The following FILIP1L variants were observed in gnomAD, a reference collection of about 807,000 sequenced individuals.
FILIP1L encodes the protein filamin A interacting protein 1 like.
A neutral mutation model predicts 96.6 loss-of-function variants in FILIP1L; 55 were observed. The ratio of observed to expected loss-of-function variants is 0.57; its 90% CI spans 0.46 to 0.71. FILIP1L has a LOEUF of 0.71. Among genes scored for constraint, FILIP1L ranks in the 30% least tolerant of loss-of-function variants. FILIP1L has a pLI of 0.00. For synonymous variants in FILIP1L, 467 were observed against 473.9 expected (o/e 0.99, Z 0.19); for missense variants, 1,304 against 1,321.2 (o/e 0.99, Z 0.20).
chr3:99,836,842 G>A (rs963828856), intron 5 of FILIP1L, among the ~76,000 whole-genome samples: 4 of 152,192 alleles, frequency 2.6e-5, no homozygotes, highest in Non-Finnish European at 4.4e-5. Context: ...CAGCCATTGT[G>A]TCTGAACCAA....
At chr3:100,082,368 T>C (rs2065945701) in intron 1 of FILIP1L, among the ~76,000 whole-genome samples, 2 of 152,364 alleles carry the variant, frequency 1.3e-5, no homozygotes, top group South Asian at 2.1e-4. Context: ...AACTCCTCTG[T>C]ACTGCTGGGG....
At chr3:99,842,325 A>G (rs1943169037) in intron 5 of FILIP1L, among the ~76,000 whole-genome samples, 1 of 152,124 alleles carries the variant, frequency 6.6e-6, no homozygotes, top group Non-Finnish European at 1.5e-5. Flanking sequence ...CACTCTGGGG[A>G]CTCAGGGGAA....
chr3:99,897,369 C>CAA (rs200872436), intron 4 of FILIP1L, among the ~76,000 whole-genome samples: 2 of 134,288 alleles, frequency 1.5e-5, no homozygotes, highest in Non-Finnish European at 3.2e-5. Context: ...GACTTTGTCT[C>CAA]AAAAAAAAAA....
chr3:99,943,547 T>A (rs1217593382), intron 1 of FILIP1L, among the ~76,000 whole-genome samples: 3 of 151,876 alleles, frequency 2.0e-5, no homozygotes, highest in African/African-American at 7.3e-5. Flanking sequence ...CTACTAAAAT[T>A]ACAAAAATTA....
intron 1 of FILIP1L, chr3:100,040,024 A>G (rs2065177760): frequency 6.6e-6 from 1 of 152,210 alleles, no homozygotes; most frequent in African/African-American, 2.4e-5. Context: ...AAATGCTGGG[A>G]TTACAGGCAT....
intron 4 of FILIP1L, among the ~76,000 whole-genome samples, chr3:99,890,504 T>C (rs1706050406): frequency 6.6e-6 from 1 of 152,016 alleles, no homozygotes; most frequent in African/African-American, 2.4e-5. Context: ...CATGTTAGAC[T>C]TTCTTTATCT....
chr3:99,915,718 A>G (rs1181868808), intron 4 of FILIP1L, among the ~76,000 whole-genome samples: 1 of 152,086 alleles, frequency 6.6e-6, no homozygotes, highest in Non-Finnish European at 1.5e-5. Context: ...ATTCTCCTAC[A>G]CTAAAGGAAA....
intron 1 of FILIP1L, among the ~76,000 whole-genome samples, chr3:100,105,876 A>G (rs967563762): frequency 6.6e-6 from 1 of 152,144 alleles, no homozygotes; most frequent in Admixed American, 6.6e-5. Context: ...TTCTCTGTTT[A>G]TCAAACAAAA....
intron 1 of FILIP1L, among the ~76,000 whole-genome samples, chr3:100,106,807 G>A (rs1028202439): frequency 2.6e-5 from 4 of 152,174 alleles, no homozygotes; most frequent in Non-Finnish European, 4.4e-5. Context: ...CCTGATCCCT[G>A]TAGTATGTTT....
At chr3:99,852,088 G>A (rs1217445340) in intron 4 of FILIP1L, among the ~76,000 whole-genome samples, 1 of 152,122 alleles carries the variant, frequency 6.6e-6, no homozygotes. Flanking sequence ...TAACAGGAGG[G>A]TATTTTACAT....
intron 1 of FILIP1L, among the ~76,000 whole-genome samples, chr3:99,945,813 T>A (rs557898653): frequency 2.6e-5 from 4 of 152,292 alleles, no homozygotes; most frequent in Admixed American, 2.0e-4. Flanking sequence ...CCAATTTTTT[T>A]AAAAAGAGAA....
intron 1 of FILIP1L, among the ~76,000 whole-genome samples, chr3:100,013,247 T>TTGTTGC (rs1333458419): frequency 6.6e-6 from 1 of 151,432 alleles, no homozygotes; most frequent in East Asian, 1.9e-4. Flanking sequence ...GTTGTTGTTG[T>TTGTTGC]TGTTGTTGTT....
intron 1 of FILIP1L, among the ~76,000 whole-genome samples, chr3:99,943,218 C>G (rs1368208787): frequency 6.6e-6 from 1 of 152,056 alleles, no homozygotes; most frequent in Non-Finnish European, 1.5e-5. Flanking sequence ...TCAAAAGAAC[C>G]AATTATGACA....
Position 99,951,497 on chromosome 3 carries a change from C to A in FILIP1L, c.-10-20467G>T, listed in dbSNP as rs564491304. On this transcript the variant is annotated intron_variant, in intron 1 of 5. Coordinates refer to ENST00000477258, the MANE Select transcript of FILIP1L (RefSeq NM_001387850.1). ...TGATGAGATTTTGTTTTAGTCCAGT[C>A]TCCCTGGTAAAAATCGCTTGGACTT... 2.0e-5 allele frequency among the ~76,000 whole-genome samples: 3 copies of A among 152,260 alleles called. No individual in the cohort carries two copies. In the East Asian group the frequency reaches 5.8e-4, roughly 29 times the overall value.
intron 1 of FILIP1L, among the ~76,000 whole-genome samples, chr3:100,060,089 A>G (rs1465228909): frequency 6.6e-6 from 1 of 152,126 alleles, no homozygotes; most frequent in Non-Finnish European, 1.5e-5. Flanking sequence ...ATGTGCCCTC[A>G]GCTGTGCCGG....
At chr3:100,003,413 T>C (rs1274250969) in intron 1 of FILIP1L, among the ~76,000 whole-genome samples, 1 of 152,224 alleles carries the variant, frequency 6.6e-6, no homozygotes, top group Non-Finnish European at 1.5e-5. Flanking sequence ...GTTTAACCAA[T>C]GCACCTAGAA....
intron 1 of FILIP1L, among the ~76,000 whole-genome samples, chr3:100,097,969 A>G (rs1487313384): frequency 1.3e-5 from 2 of 152,214 alleles, no homozygotes; most frequent in Non-Finnish European, 2.9e-5. Flanking sequence ...AGCATATCTG[A>G]CAAGGTAATA....
chr3:99,902,089 G>A (rs927738449), intron 4 of FILIP1L, among the ~76,000 whole-genome samples: 2 of 152,082 alleles, frequency 1.3e-5, no homozygotes, highest in Non-Finnish European at 2.9e-5. Flanking sequence ...ATATTTAAAT[G>A]ATTGGCTTGC....
At chr3:99,961,283 GATT>G (rs1708482471) in intron 1 of FILIP1L, among the ~76,000 whole-genome samples, 1 of 152,092 alleles carries the variant, frequency 6.6e-6, no homozygotes, top group African/African-American at 2.4e-5. Context: ...TTGTGGGTTG[GATT>G]ATTTTGTTTT....
Sources: allele counts gnomAD v4.1 joint callset (sites outside exome capture counted in the v4.1 genomes callset), GRCh38; gene constraint gnomAD v4.1.1; transcripts MANE v1.5; gene names NCBI Gene and HGNC (gene_info 2026-07-23, HGNC 2026-07-21).